The following CCDC15 variants were observed in gnomAD, a reference collection of about 807,000 sequenced individuals.
The protein encoded by CCDC15 is coiled-coil domain-containing protein 15.
Under a neutral mutation model 114.5 loss-of-function variants are expected in CCDC15, and 105 were observed. That is an observed-to-expected ratio of 0.92 (90% CI 0.78 to 1.08). CCDC15 has a LOEUF of 1.08. CCDC15 is among the 50% of genes least tolerant of loss of function. The pLI, the probability that CCDC15 is intolerant of heterozygous loss-of-function variation, is 0.00. For synonymous variants in CCDC15, 334 were observed against 377.8 expected (o/e 0.88, Z 1.34); for missense variants, 1,105 against 1,093.6 (o/e 1.01, Z -0.15).
At chr11:124,983,708 G>A (rs748805648) in intron 6 of CCDC15, among the ~76,000 whole-genome samples, 39 of 152,170 alleles carry the variant, frequency 2.6e-4, no homozygotes, top group Admixed American at 2.1e-3. Flanking sequence ...GATGGTGCCA[G>A]CCAAAACGCT....
intron 11 of CCDC15, among the ~76,000 whole-genome samples, chr11:124,998,415 A>G (rs1948411939): frequency 6.6e-6 from 1 of 152,122 alleles, no homozygotes; most frequent in Non-Finnish European, 1.5e-5. Context: ...TTGTGGCTTC[A>G]AGCAGAAGTC....
intron 6 of CCDC15, among the ~76,000 whole-genome samples, chr11:124,983,242 G>A (rs934998917): frequency 6.6e-6 from 1 of 152,148 alleles, no homozygotes; most frequent in South Asian, 2.1e-4. Context: ...TCTCCTGAAT[G>A]TCGATATTTT....
At position 124,954,709 on chromosome 11, in the gene CCDC15, C is replaced by T; in HGVS notation, c.-9-15C>T. The T allele has an allele frequency of 6.2e-7, 1 of 1,610,714 alleles. No homozygotes were observed. Among genetic ancestry groups the T allele is most frequent in the African/African-American group, 1.3e-5 (1 of 74,820 alleles). ...GTCATTTGAAGATTTTAAGCTTTTT[C>T]TTTCTCCTAATCAGGAGTCACAGAT... On this transcript the variant is annotated splice_polypyrimidine_tract_variant and intron_variant, in intron 1 of 15. Transcript: ENST00000344762.
At position 125,041,373 on chromosome 11, in the gene CCDC15, G is replaced by GA. The variant is rs1471235042; in HGVS notation, c.*667dup. On this transcript the variant is annotated 3_prime_UTR_variant, in exon 16 of 16. Coordinates refer to ENST00000344762, the MANE Select transcript of CCDC15 (RefSeq NM_025004.3). The stretch of plus-strand genomic sequence containing the variant: ...TGTGAAATAATTGTGAGTGACATTT[G>GA]AAAAAGTGAATCTGAAGTCAAAGTG... 1 of 152,022 alleles carries GA rather than the reference G, an allele frequency of 6.6e-6. No homozygotes were observed. Among genetic ancestry groups the GA allele is most frequent in the Non-Finnish European group, 1.5e-5 (1 of 67,982 alleles). 9.4% of individuals were successfully genotyped at this position (152,022 alleles called of 1,614,324 possible). A position where few individuals can be genotyped will look rare whatever the true frequency, so the allele number is the denominator to read the frequency against.
intron 13 of CCDC15, among the ~76,000 whole-genome samples, chr11:125,034,794 G>C (rs2135543495): frequency 6.6e-6 from 1 of 152,040 alleles, no homozygotes; most frequent in East Asian, 1.9e-4. Flanking sequence ...ATCATATTTA[G>C]CAGCCAACTC....
chr11:124,963,447 G>T (rs1025670277), intron 4 of CCDC15, among the ~76,000 whole-genome samples: 1 of 152,194 alleles, frequency 6.6e-6, no homozygotes, highest in African/African-American at 2.4e-5. Context: ...CTTCTTTTGA[G>T]AAGTGTCTGT....
At chr11:124,977,423 A>G in intron 5 of CCDC15, 55 bp from the exon 6 acceptor site, 6 of 1,457,048 alleles carry the variant, frequency 4.1e-6, no homozygotes, top group Non-Finnish European at 5.5e-6. Flanking sequence ...ACTTAGTCTC[A>G]TGAATATGTT....
intron 5 of CCDC15, among the ~76,000 whole-genome samples, chr11:124,975,492 G>A (rs1308937999): frequency 6.6e-6 from 1 of 152,158 alleles, no homozygotes; most frequent in Non-Finnish European, 1.5e-5. Flanking sequence ...TAAAATATAT[G>A]TATATGTATT....
chr11:125,025,552 A>G (rs558062153), intron 13 of CCDC15, among the ~76,000 whole-genome samples: 2 of 147,810 alleles, frequency 1.4e-5, no homozygotes, highest in South Asian at 4.3e-4. Context: ...CTGGTTCTAG[A>G]TTTTCATTGT....
intron 6 of CCDC15, among the ~76,000 whole-genome samples, chr11:124,977,978 G>A (rs1948004009): frequency 6.6e-6 from 1 of 152,024 alleles, no homozygotes; most frequent in African/African-American, 2.4e-5. Flanking sequence ...TACCTAATAG[G>A]TAGTTTTCCC....
intron 6 of CCDC15, among the ~76,000 whole-genome samples, chr11:124,983,826 G>A (rs575232395): frequency 2.2e-4 from 34 of 152,160 alleles, no homozygotes; most frequent in African/African-American, 8.2e-4. Flanking sequence ...CAGGGGTGCT[G>A]GCCTCCTTGT....
At chr11:125,010,811 T>C (rs1355790246) in intron 13 of CCDC15, among the ~76,000 whole-genome samples, 1 of 152,238 alleles carries the variant, frequency 6.6e-6, no homozygotes, top group Admixed American at 6.5e-5. Flanking sequence ...GTCCCATTTA[T>C]CAATTTTTGC....
In CCDC15 at chr11:125,005,127, A is replaced by G; in HGVS notation, c.2326A>G (p.Arg776Gly). Residue 776 changes from arginine to glycine, a missense_variant, in exon 13 of 16, where the codon AGA becomes GGA. Arg to Gly is a moderately radical substitution (Grantham distance 125). Transcript: ENST00000344762. ...CCTTTAGCGTCAAAAGCAGTACCTG[A>G]GACATAGACGACTTTTCATGGATAT... is the stretch of plus-strand genomic sequence containing the variant. ...DKKERQKQYL[R>G]HRRLFMDIER... 1 of 1,540,454 alleles carries G rather than the reference A, an allele frequency of 6.5e-7. No individual in the cohort carries two copies. The highest frequency in any genetic ancestry group is 8.8e-7 in the Non-Finnish European group (1 of 1,131,786).
intron 13 of CCDC15, among the ~76,000 whole-genome samples, chr11:125,026,459 G>A (rs1948703048): frequency 6.6e-6 from 1 of 152,216 alleles, no homozygotes; most frequent in Non-Finnish European, 1.5e-5. Flanking sequence ...ATTCAAGACT[G>A]TCTTTCCTAC....
At chr11:124,997,736 G>T (rs1948399398) in intron 11 of CCDC15, among the ~76,000 whole-genome samples, 1 of 152,214 alleles carries the variant, frequency 6.6e-6, no homozygotes, top group South Asian at 2.1e-4. Context: ...GAGACCAGGA[G>T]TTTGAGACCA....
At chr11:124,967,897 C>G (rs570707055) in intron 4 of CCDC15, among the ~76,000 whole-genome samples, 31 of 152,310 alleles carry the variant, frequency 2.0e-4, no homozygotes, top group African/African-American at 6.7e-4. Context: ...GGTCCCTCAG[C>G]TGCAGGTCTG....
chr11:124,989,104 G>T (rs889994433), intron 8 of CCDC15, among the ~76,000 whole-genome samples: 1 of 152,176 alleles, frequency 6.6e-6, no homozygotes, highest in African/African-American at 2.4e-5. Context: ...GTCCGTGACA[G>T]AAATGTATTT....
At chr11:124,972,376 G>GTA (rs1208652009) in intron 4 of CCDC15, among the ~76,000 whole-genome samples, 4 of 152,056 alleles carry the variant, frequency 2.6e-5, no homozygotes, top group African/African-American at 7.2e-5. Context: ...ACATACAAAT[G>GTA]TATATATATA....
At chr11:125,015,558 G>A (rs183643722) in intron 13 of CCDC15, among the ~76,000 whole-genome samples, 128 of 152,160 alleles carry the variant, frequency 8.4e-4, no homozygotes, top group African/African-American at 2.7e-3. Flanking sequence ...GAGTAATCCC[G>A]TATCACTGAA....
Sources: allele counts gnomAD v4.1 joint callset (sites outside exome capture counted in the v4.1 genomes callset), GRCh38; gene constraint gnomAD v4.1.1; transcripts MANE v1.5; gene names NCBI Gene and HGNC (gene_info 2026-07-23, HGNC 2026-07-21).